Variants in OR51B5 observed in about 807,000 individuals in gnomAD.
OR51B5 encodes the protein olfactory receptor family 51 subfamily B member 5, also known as olfactory receptor 51B5.
For synonymous variants in OR51B5, 186 were observed against 144.8 expected (o/e 1.28, Z -2.04); for missense variants, 456 against 374.6 (o/e 1.22, Z -1.79).
chr11:5,419,618 C>T (rs2133758264), intron 1 of OR51B5, among the ~76,000 whole-genome samples: 1 of 152,236 alleles, frequency 6.6e-6, no homozygotes, highest in African/African-American at 2.4e-5. Context: ...CATGCAAACA[C>T]TACCATTTTA....
upstream of OR51B5, among the ~76,000 whole-genome samples, chr11:5,346,631 CTTAGGTAG>C (rs1449151385): frequency 2.0e-5 from 3 of 151,874 alleles, no homozygotes; most frequent in African/African-American, 7.3e-5. Flanking sequence ...TACAGAAGGT[CTTAGGTAG>C]TTGGTTGGTA....
intron 1 of OR51B5, among the ~76,000 whole-genome samples, chr11:5,357,402 G>C (rs1008426095): frequency 2.0e-5 from 3 of 150,874 alleles, no homozygotes; most frequent in African/African-American, 7.3e-5. Context: ...ATGGTAAAGG[G>C]ATCAATTCAA....
At chr11:5,390,569 C>A in intron 1 of OR51B5, 3 of 549,582 alleles carry the variant, frequency 5.5e-6, no homozygotes, top group East Asian at 2.9e-5. Context: ...TTTAATGGCT[C>A]CTCCTACAGC....
At chr11:5,502,416 A>G (rs536818904) in intron 1 of OR51B5, among the ~76,000 whole-genome samples, 1 of 152,144 alleles carries the variant, frequency 6.6e-6, no homozygotes, top group Non-Finnish European at 1.5e-5. Flanking sequence ...TTTGCATGAG[A>G]CATTTTTCCC....
At chr11:5,340,537 A>AGGAGTTT (rs1300047566), downstream of OR51B5, 2 of 151,914 alleles carry the variant, frequency 1.3e-5, no homozygotes, top group African/African-American at 4.8e-5. Flanking sequence ...TACTGCGGTT[A>AGGAGTTT]GGAGTTTGGA....
intron 1 of OR51B5, among the ~76,000 whole-genome samples, chr11:5,413,365 A>G (rs1850182010): frequency 1.3e-5 from 2 of 152,196 alleles, no homozygotes; most frequent in Admixed American, 6.5e-5. Flanking sequence ...TGGAAACTCT[A>G]AAAAGCAGAG....
In OR51B5 at chr11:5,480,383, T is replaced by C. The variant is rs1851399199; in HGVS notation, n.84+25186A>G. ...GTGTGTAGAGGGAAACTTATAGCAC[T>C]AAAGGCCCACAAGAGAAAGCAGGAA... is the stretch of plus-strand genomic sequence containing the variant. On this transcript the variant is annotated intron_variant and non_coding_transcript_variant, in intron 1 of 4. Coordinates refer to the OR51B5 transcript ENST00000415970. Among the ~76,000 whole-genome samples, 7 of 151,702 alleles carry C rather than the reference T, an allele frequency of 4.6e-5. No homozygotes were observed. The South Asian group carries it at 1.5e-3, about 32-fold the overall frequency.
intron 1 of OR51B5, among the ~76,000 whole-genome samples, chr11:5,434,034 C>A (rs1373564250): frequency 6.6e-6 from 1 of 152,110 alleles, no homozygotes; most frequent in Non-Finnish European, 1.5e-5. Context: ...TATCTTGAGT[C>A]TACCTTATTG....
At chr11:5,436,783 T>C (rs1850601539) in intron 1 of OR51B5, among the ~76,000 whole-genome samples, 2 of 152,058 alleles carry the variant, frequency 1.3e-5, no homozygotes, top group South Asian at 4.1e-4. Flanking sequence ...ACAAGCAGAA[T>C]TGTAGCTAGA....
intron 1 of OR51B5, among the ~76,000 whole-genome samples, chr11:5,490,131 T>C (rs937620628): frequency 6.6e-6 from 1 of 152,216 alleles, no homozygotes. Context: ...ACTTGTGACC[T>C]TGAGCATGTT....
At chr11:5,476,177 A>T (rs186873527) in intron 1 of OR51B5, among the ~76,000 whole-genome samples, 1 of 152,230 alleles carries the variant, frequency 6.6e-6, no homozygotes, top group Non-Finnish European at 1.5e-5. Context: ...TCAGTGGATT[A>T]TAACTATTTC....
At chr11:5,484,091 C>G (rs2133810373) in intron 1 of OR51B5, among the ~76,000 whole-genome samples, 1 of 152,286 alleles carries the variant, frequency 6.6e-6, no homozygotes, top group East Asian at 1.9e-4. Flanking sequence ...CGAGGTCCAA[C>G]TTCTGCATGC....
At chr11:5,424,384 T>C (rs1399367011) in intron 1 of OR51B5, among the ~76,000 whole-genome samples, 2 of 152,004 alleles carry the variant, frequency 1.3e-5, no homozygotes, top group Non-Finnish European at 2.9e-5. Flanking sequence ...AAAAAACACC[T>C]TTCAGCAAGA....
chr11:5,406,008 A>T (rs1164948961), intron 1 of OR51B5, among the ~76,000 whole-genome samples: 1 of 152,214 alleles, frequency 6.6e-6, no homozygotes, highest in Non-Finnish European at 1.5e-5. Flanking sequence ...GAAGAGAAGA[A>T]ACATCTGAGT....
chr11:5,360,374 A>G (rs1238115190), intron 1 of OR51B5, among the ~76,000 whole-genome samples: 1 of 152,134 alleles, frequency 6.6e-6, no homozygotes, highest in African/African-American at 2.4e-5. Context: ...TATGCAGTCA[A>G]CAGACACATG....
intron 1 of OR51B5, among the ~76,000 whole-genome samples, chr11:5,436,899 CA>C (rs1298931254): frequency 1.8e-5 from 1 of 55,794 alleles, no homozygotes; most frequent in Non-Finnish European, 6.7e-5. Flanking sequence ...GGCAGAGGAC[CA>C]GAACTCACAA....
intron 1 of OR51B5, among the ~76,000 whole-genome samples, chr11:5,495,217 A>T (rs1851631564): frequency 6.6e-6 from 1 of 152,212 alleles, no homozygotes; most frequent in African/African-American, 2.4e-5. Context: ...TGCTGAAAAC[A>T]GTTCTTCAAG....
chr11:5,458,146 A>T (rs963798784), intron 1 of OR51B5, among the ~76,000 whole-genome samples: 15 of 152,150 alleles, frequency 9.9e-5, no homozygotes, highest in Non-Finnish European at 2.2e-4. Context: ...ATTTTTGTGT[A>T]TGATGAAAGG....
chr11:5,420,986 G>A (rs577856931), intron 1 of OR51B5, among the ~76,000 whole-genome samples: 2 of 152,144 alleles, frequency 1.3e-5, no homozygotes, highest in African/African-American at 4.8e-5. Context: ...TCCCAGCTTC[G>A]GAGTACTTAT....
Sources: gnomAD v4.1 joint callset for allele counts (sites outside exome capture counted in the v4.1 genomes callset) on GRCh38, gnomAD v4.1.1 for gene constraint, MANE v1.5 for transcripts, NCBI Gene and HGNC (gene_info 2026-07-23, HGNC 2026-07-21) for gene names.